The following LRMDA variants were observed in gnomAD, a reference collection of about 807,000 sequenced individuals.
LRMDA encodes the protein leucine-rich melanocyte differentiation-associated protein.
In LRMDA, 18 loss-of-function variants were observed where a neutral mutation model predicts 29.8. That is an observed-to-expected ratio of 0.60 (90% CI 0.42 to 0.90). The LOEUF is 0.90. Among genes scored for constraint, LRMDA ranks in the 40% least tolerant of loss-of-function variants. The pLI, the probability that LRMDA is intolerant of heterozygous loss-of-function variation, is 0.00. For synonymous variants in LRMDA, 125 were observed against 109.4 expected (o/e 1.14, Z -0.89); for missense variants, 273 against 273.9 (o/e 1.00, Z 0.02).
chr10:75,900,365 CCAGT>C (rs1845650316), intron 2 of LRMDA, among the ~76,000 whole-genome samples: 1 of 152,054 alleles, frequency 6.6e-6, no homozygotes, highest in African/African-American at 2.4e-5. Context: ...TTGAATGGTG[CCAGT>C]CAGAGTTAAA....
intron 2 of LRMDA, among the ~76,000 whole-genome samples, chr10:75,729,851 G>T (rs976729109): frequency 1.3e-5 from 2 of 152,194 alleles, no homozygotes; most frequent in Non-Finnish European, 2.9e-5. Flanking sequence ...AGGCTGGAGT[G>T]CAGTAGCACG....
At chr10:75,964,692 G>A (rs982814275) in intron 2 of LRMDA, among the ~76,000 whole-genome samples, 2 of 152,198 alleles carry the variant, frequency 1.3e-5, no homozygotes, top group African/African-American at 4.8e-5. Flanking sequence ...GGCTAGATAG[G>A]ATCTTGGTTA....
At chr10:76,224,978 T>C (rs1289387089) in intron 5 of LRMDA, among the ~76,000 whole-genome samples, 2 of 152,158 alleles carry the variant, frequency 1.3e-5, no homozygotes, top group African/African-American at 4.8e-5. Context: ...GGTTCTGTTA[T>C]GACTCCATCT....
chr10:75,917,943 C>CCACACATGCACATGTG (rs1218946220), intron 2 of LRMDA, among the ~76,000 whole-genome samples: 2 of 144,478 alleles, frequency 1.4e-5, no homozygotes, highest in Non-Finnish European at 1.5e-5. Context: ...ACATGCACAC[C>CCACACATGCACATGTG]CACACATGCA....
intron 6 of LRMDA, among the ~76,000 whole-genome samples, chr10:76,377,935 T>C (rs1841541408): frequency 6.6e-6 from 1 of 152,178 alleles, no homozygotes; most frequent in Admixed American, 6.5e-5. Context: ...GTGATTCGGA[T>C]TCGATAGGAA....
intron 5 of LRMDA, among the ~76,000 whole-genome samples, chr10:76,283,455 G>A (rs1343853374): frequency 6.6e-6 from 1 of 152,198 alleles, no homozygotes; most frequent in East Asian, 1.9e-4. Context: ...CGGATTTCAA[G>A]TAAGGGGAAG....
At chr10:76,029,427 A>G (rs1223281950) in intron 2 of LRMDA, among the ~76,000 whole-genome samples, 1 of 152,216 alleles carries the variant, frequency 6.6e-6, no homozygotes, top group African/African-American at 2.4e-5. Context: ...CAATTGGGTC[A>G]CAATTTACCT....
chr10:76,318,694 A>G (rs571628824), intron 5 of LRMDA: 2 of 152,122 alleles, frequency 1.3e-5, no homozygotes, highest in African/African-American at 2.4e-5. Context: ...AAACCTGTCT[A>G]TTATTCCCAA....
chr10:76,415,121 G>C (rs1216189739), intron 6 of LRMDA, among the ~76,000 whole-genome samples: 4 of 152,224 alleles, frequency 2.6e-5, no homozygotes, highest in African/African-American at 9.6e-5. Flanking sequence ...GTGGTAACTT[G>C]GCTTCTTTGC....
At chr10:76,545,580 C>T (rs1320431707) in intron 6 of LRMDA, among the ~76,000 whole-genome samples, 2 of 151,450 alleles carry the variant, frequency 1.3e-5, no homozygotes, top group Non-Finnish European at 2.9e-5. Context: ...TGTAATTGCA[C>T]ATTACTAAAA....
In LRMDA at chr10:76,384,337, G is replaced by A. The variant is rs147045194; in HGVS notation, c.601+59852G>A. Among the ~76,000 whole-genome samples the A allele has an allele frequency of 1.6e-3, 250 of 152,234 alleles. 1 individual carries two copies. Among genetic ancestry groups the A allele is most frequent in the Non-Finnish European group, 2.7e-3 (186 of 68,022 alleles). Reference sequence around the variant, plus strand: ...TCTACTATATGCCAGATACCTTGGCGAGATGTTACAGATGTCAGAGAAGTT... The same window carrying A: ...TCTACTATATGCCAGATACCTTGGCAAGATGTTACAGATGTCAGAGAAGTT... On this transcript the variant is annotated intron_variant, in intron 6 of 6. Coordinates refer to ENST00000611255, the MANE Select transcript of LRMDA (RefSeq NM_001305581.2).
intron 2 of LRMDA, among the ~76,000 whole-genome samples, chr10:75,721,342 T>A (rs546065774): frequency 6.6e-6 from 1 of 152,200 alleles, no homozygotes; most frequent in Non-Finnish European, 1.5e-5. Context: ...TTTTTATATA[T>A]GTATACGTAC....
intron 5 of LRMDA, among the ~76,000 whole-genome samples, chr10:76,120,268 A>AAC (rs1260263445): frequency 1.3e-5 from 2 of 149,702 alleles, no homozygotes; most frequent in Non-Finnish European, 3.0e-5. Flanking sequence ...GGCTTACTGT[A>AAC]ACCTCTGCCT....
At chr10:76,116,432 A>G (rs1283845347) in intron 5 of LRMDA, among the ~76,000 whole-genome samples, 1 of 152,158 alleles carries the variant, frequency 6.6e-6, no homozygotes, top group Non-Finnish European at 1.5e-5. Context: ...GAAGGTAATG[A>G]CTTGCCCAGT....
chr10:76,001,426 T>G (rs1847560844), intron 2 of LRMDA, among the ~76,000 whole-genome samples: 1 of 152,138 alleles, frequency 6.6e-6, no homozygotes, highest in African/African-American at 2.4e-5. Context: ...TTAAACATGA[T>G]TTATGAAGTT....
chr10:75,502,730 CTCTT>C, intron 2 of LRMDA, among the ~76,000 whole-genome samples: 1 of 152,160 alleles, frequency 6.6e-6, no homozygotes, highest in East Asian at 1.9e-4. Flanking sequence ...ACACTTCTTT[CTCTT>C]TATTTTATAT....
chr10:75,631,672 G>A (rs546984287), intron 2 of LRMDA, among the ~76,000 whole-genome samples: 3 of 152,026 alleles, frequency 2.0e-5, no homozygotes, highest in African/African-American at 4.8e-5. Context: ...GGTGTAATTC[G>A]CCTTGACATC....
intron 5 of LRMDA, among the ~76,000 whole-genome samples, chr10:76,125,259 TA>T (rs1169696882): frequency 6.6e-6 from 1 of 152,298 alleles, no homozygotes; most frequent in Non-Finnish European, 1.5e-5. Flanking sequence ...GGTGGAGGGC[TA>T]GGGGGAAGCT....
intron 2 of LRMDA, among the ~76,000 whole-genome samples, chr10:75,757,801 T>C (rs1307159614): frequency 6.6e-6 from 1 of 150,476 alleles, no homozygotes; most frequent in Non-Finnish European, 1.5e-5. Context: ...TTTCTTTCTT[T>C]TTTTTTTTTT....
Sources: gnomAD v4.1 joint callset for allele counts (sites outside exome capture counted in the v4.1 genomes callset) on GRCh38, gnomAD v4.1.1 for gene constraint, MANE v1.5 for transcripts, NCBI Gene and HGNC (gene_info 2026-07-23, HGNC 2026-07-21) for gene names.